The following CCDC73 variants were observed in gnomAD, a reference collection of about 807,000 sequenced individuals.
CCDC73 encodes coiled-coil domain-containing protein 73.
In CCDC73, 95 loss-of-function variants were observed where a neutral mutation model predicts 116.5. The observed-to-expected ratio is 0.82, with a 90% CI of 0.69 to 0.97. CCDC73 has a LOEUF of 0.97. CCDC73 is among the 50% of genes least tolerant of loss of function. The probability of loss-of-function intolerance (pLI) is 0.00; values close to 1 mark genes in which losing one functional copy is unlikely to be tolerated. For missense variants in CCDC73, 1,066 were observed against 1,206.8 expected (o/e 0.88, Z 1.73); for synonymous variants, 398 against 401.3 (o/e 0.99, Z 0.10).
intron 17 of CCDC73, among the ~76,000 whole-genome samples, chr11:32,607,811 G>GA (rs35497253): frequency 5.7e-5 from 8 of 140,150 alleles, no homozygotes; most frequent in East Asian, 3.9e-4. Flanking sequence ...CTGGAGACTG[G>GA]AAAAAAAAAG....
chr11:32,781,260 A>G lies in CCDC73; in HGVS notation c.-16+13353T>C, dbSNP rs114212528. On this transcript the variant is annotated intron_variant, in intron 1 of 17. Coordinates refer to ENST00000335185, the MANE Select transcript of CCDC73 (RefSeq NM_001008391.4). The stretch of plus-strand genomic sequence containing the variant: ...TAAAGATAGTGGATTGAACAGTGGT[A>G]TTTAGTTCCACTCCACTAAAATGAC... Among the ~76,000 whole-genome samples the G allele has an allele frequency of 3.5e-3, 534 of 152,376 alleles. 6 individuals carry two copies. Among genetic ancestry groups the G allele is most frequent in the African/African-American group, 0.012 (515 of 41,592 alleles).
At chr11:32,759,198 C>T (rs563687676) in intron 2 of CCDC73, among the ~76,000 whole-genome samples, 1 of 151,544 alleles carries the variant, frequency 6.6e-6, no homozygotes, top group Non-Finnish European at 1.5e-5. Flanking sequence ...TTTTTTCTCT[C>T]GAGAATCTTC....
chr11:32,790,152 T>A (rs779171303), intron 1 of CCDC73, among the ~76,000 whole-genome samples: 1 of 151,730 alleles, frequency 6.6e-6, no homozygotes, highest in Non-Finnish European at 1.5e-5. Flanking sequence ...TCTTAGGGGG[T>A]CTTTTATGTT....
intron 12 of CCDC73, among the ~76,000 whole-genome samples, chr11:32,642,528 ACACT>A (rs1855742467): frequency 6.6e-6 from 1 of 152,002 alleles, no homozygotes. Context: ...TTTCAAATTA[ACACT>A]TTTTAAGTAT....
At chr11:32,753,006 T>C (rs1261147410) in intron 2 of CCDC73, among the ~76,000 whole-genome samples, 2 of 152,076 alleles carry the variant, frequency 1.3e-5, no homozygotes, top group Non-Finnish European at 2.9e-5. Context: ...AAGGGTCTCA[T>C]TATATTGCCC....
At chr11:32,608,986 C>A (rs773860648) in intron 17 of CCDC73, among the ~76,000 whole-genome samples, 1 of 152,112 alleles carries the variant, frequency 6.6e-6, no homozygotes, top group Non-Finnish European at 1.5e-5. Flanking sequence ...CACGGGGACC[C>A]TGAGCCCCGC....
chr11:32,721,323 C>T lies in CCDC73; in HGVS notation c.136-3176G>A, dbSNP rs575303158. ...TACAGGAATGAGCCACTGCACTTGG[C>T]CCATGATATTCATTTTAAATATCAG... On this transcript the variant is annotated intron_variant, in intron 2 of 17. Transcript: ENST00000335185. Among the ~76,000 whole-genome samples, 5 of 152,132 alleles carry T rather than the reference C, an allele frequency of 3.3e-5. No individual in the cohort carries two copies. The South Asian group carries it at 1.0e-3, about 32-fold the overall frequency.
chr11:32,624,914 A>G (rs986135064), intron 14 of CCDC73, among the ~76,000 whole-genome samples: 9 of 152,350 alleles, frequency 5.9e-5, no homozygotes, highest in Admixed American at 3.3e-4. Flanking sequence ...CATCATTCTG[A>G]GCAAACTGTC....
At chr11:32,646,755 G>A (rs1261123024) in intron 12 of CCDC73, among the ~76,000 whole-genome samples, 1 of 151,916 alleles carries the variant, frequency 6.6e-6, no homozygotes, top group African/African-American at 2.4e-5. Context: ...TAATTCTTTG[G>A]TCATTTCCTC....
At chr11:32,823,117 G>T in the CCDC73 span, among the ~76,000 whole-genome samples, 7 of 151,050 alleles carry the variant, frequency 4.6e-5, no homozygotes, top group Non-Finnish European at 8.8e-5. Flanking sequence ...AAAGAAAAAG[G>T]AAAAGGAAAA....
chr11:32,706,004 T>G (rs1189332695), intron 3 of CCDC73, among the ~76,000 whole-genome samples: 1 of 116,158 alleles, frequency 8.6e-6, no homozygotes, highest in African/African-American at 3.3e-5. Context: ...CCCAGATCTA[T>G]ATCAGCTGAA....
chr11:32,709,859 T>C (rs887158780), intron 3 of CCDC73, among the ~76,000 whole-genome samples: 1 of 152,220 alleles, frequency 6.6e-6, no homozygotes, highest in Non-Finnish European at 1.5e-5. Context: ...GATAATTTTT[T>C]TATTACCACT....
intron 1 of CCDC73, among the ~76,000 whole-genome samples, chr11:32,777,849 C>T (rs1382830430): frequency 2.6e-5 from 4 of 152,036 alleles, no homozygotes; most frequent in Non-Finnish European, 5.9e-5. Flanking sequence ...ATATTTTCAT[C>T]AAACTGTTCC....
At chr11:32,802,702 C>T in the CCDC73 span, among the ~76,000 whole-genome samples, 5 of 152,158 alleles carry the variant, frequency 3.3e-5, no homozygotes, top group Admixed American at 1.3e-4. Context: ...TGGAGGAGAA[C>T]CTCTTGTACC....
At chr11:32,618,653 A>C (rs1169791612) in intron 14 of CCDC73, among the ~76,000 whole-genome samples, 1 of 152,154 alleles carries the variant, frequency 6.6e-6, no homozygotes, top group Non-Finnish European at 1.5e-5. Context: ...CCTGGGTTCA[A>C]GCAATTCTCC....
chr11:32,621,560 C>T (rs1308581495), intron 14 of CCDC73, among the ~76,000 whole-genome samples: 1 of 152,002 alleles, frequency 6.6e-6, no homozygotes, highest in Non-Finnish European at 1.5e-5. Context: ...AACCCAAAAC[C>T]ATAAAAACCC....
chr11:32,637,787 T>A (rs953123554), intron 13 of CCDC73, among the ~76,000 whole-genome samples: 9 of 152,172 alleles, frequency 5.9e-5, no homozygotes, highest in African/African-American at 2.2e-4. Context: ...TCTTTCCACA[T>A]TATTTCACCT....
At chr11:32,830,083 C>T in the CCDC73 span, 1 of 989,752 alleles carries the variant, frequency 1.0e-6, no homozygotes, top group South Asian at 4.7e-5. Flanking sequence ...GGTTTGAGGG[C>T]GCCGGAGACC....
intron 16 of CCDC73, among the ~76,000 whole-genome samples, chr11:32,612,115 T>C (rs1488075226): frequency 1.3e-5 from 2 of 152,208 alleles, no homozygotes; most frequent in African/African-American, 2.4e-5. Flanking sequence ...AATCACCAAA[T>C]AGTCTCTTTA....
Sources: gnomAD v4.1 joint callset for allele counts (sites outside exome capture counted in the v4.1 genomes callset) on GRCh38, gnomAD v4.1.1 for gene constraint, MANE v1.5 for transcripts, NCBI Gene and HGNC (gene_info 2026-07-23, HGNC 2026-07-21) for gene names.